Variants in RELN observed in about 807,000 individuals in gnomAD.
The protein encoded by RELN is reelin.
In RELN, 108 loss-of-function variants were observed where a neutral mutation model predicts 427.6. The observed-to-expected ratio is 0.25, with a 90% confidence interval of 0.22 to 0.30. The LOEUF is 0.30. RELN is among the 10% of genes least tolerant of loss of function. The pLI is 1.00. For synonymous variants in RELN, 1,524 were observed against 1,513.4 expected (o/e 1.01, Z -0.16); for missense variants, 3,715 against 4,302.8 (o/e 0.86, Z 3.82).
chr7:103,757,475 T>G (rs541599460), intron 4 of RELN, among the ~76,000 whole-genome samples: 2 of 152,196 alleles, frequency 1.3e-5, no homozygotes, highest in Non-Finnish European at 2.9e-5. Flanking sequence ...GTTTCTCAAC[T>G]CTTTTGAATT....
At chr7:103,800,562 C>T (rs1046893995) in intron 3 of RELN, among the ~76,000 whole-genome samples, 2 of 152,082 alleles carry the variant, frequency 1.3e-5, no homozygotes, top group African/African-American at 4.8e-5. Context: ...TTCCTTACAC[C>T]TTATACAAAA....
intron 47 of RELN, among the ~76,000 whole-genome samples, chr7:103,522,830 G>GACACACAGACACACAC (rs1180787427): frequency 1.3e-3 from 5 of 3,964 alleles, no homozygotes; most frequent in Non-Finnish European, 2.0e-3. Context: ...ATCTCACACA[G>GACACACAGACACACAC]ACACACAGAC....
chr7:103,845,220 A>C (rs568276167), intron 2 of RELN, among the ~76,000 whole-genome samples: 2 of 150,896 alleles, frequency 1.3e-5, no homozygotes, highest in Admixed American at 6.6e-5. Context: ...GTTGTTGTTG[A>C]GATTGAGTCA....
At chr7:103,909,352 A>G (rs753415111) in intron 2 of RELN, among the ~76,000 whole-genome samples, 29 of 151,980 alleles carry the variant, frequency 1.9e-4, no homozygotes, top group Non-Finnish European at 2.5e-4. Flanking sequence ...GTGAAAAATA[A>G]AACAAAATAG....
intron 2 of RELN, among the ~76,000 whole-genome samples, chr7:103,885,596 G>A (rs1794709583): frequency 6.6e-6 from 1 of 152,042 alleles, no homozygotes; most frequent in African/African-American, 2.4e-5. Flanking sequence ...TGTGGGTTGG[G>A]GGACTTAGGG....
At chr7:103,808,722 T>C (rs530312273) in intron 3 of RELN, among the ~76,000 whole-genome samples, 2 of 151,718 alleles carry the variant, frequency 1.3e-5, no homozygotes, top group Non-Finnish European at 2.9e-5. Context: ...ATTTGGAAAA[T>C]ATAGCTGAGG....
chr7:103,773,001 TGAGG>T (rs1791608014), intron 4 of RELN, among the ~76,000 whole-genome samples: 2 of 152,118 alleles, frequency 1.3e-5, no homozygotes, highest in African/African-American at 4.8e-5. Context: ...AGAAAAATCC[TGAGG>T]GAGGATATTC....
intron 10 of RELN, among the ~76,000 whole-genome samples, chr7:103,690,955 AAGG>A (rs1469931018): frequency 1.3e-5 from 2 of 152,152 alleles, no homozygotes; most frequent in African/African-American, 2.4e-5. Context: ...TGGAAAAAGA[AAGG>A]AGGAGAAACA....
Position 103,500,916 on chromosome 7 carries a change from T to C in RELN, c.8496A>G (p.Val2832=). The C allele has an allele frequency of 1.2e-6, 2 of 1,614,022 alleles. No homozygotes were observed. The highest frequency in any genetic ancestry group is 1.7e-5 in the Admixed American group (1 of 60,012). Residue 2832 remains valine, a synonymous_variant, in exon 53 of 65, where the codon GTA becomes GTG. Transcript: ENST00000428762. ...AGTACTTCTGATAGAACCTAAACCT[T>C]ACCGGACTATTGACAATGCAAAAGC... is the stretch of plus-strand genomic sequence containing the variant. ...PLPESLVGNP[V]RFRFYQKYSD... is the part of the protein sequence containing the mutation.
Position 103,510,889 on chromosome 7 carries a change from CATGGGT to C in RELN, c.8230_8235del (p.Thr2744_His2745del). 1 of 1,613,714 alleles carries C rather than the reference CATGGGT, an allele frequency of 6.2e-7. No individual in the cohort carries two copies. The highest frequency in any genetic ancestry group is 8.5e-7 in the Non-Finnish European group (1 of 1,179,696). On this transcript the variant is annotated inframe_deletion, in exon 51 of 65. Transcript: ENST00000428762. ...ATCCAGCCTTCAGTGGGAGTCAGGTCATGGGTCACTGCATACACCTCCCGTCCATCA... is the reference window on the plus strand; with the variant it reads ...ATCCAGCCTTCAGTGGGAGTCAGGTCCACTGCATACACCTCCCGTCCATCA...
intron 3 of RELN, among the ~76,000 whole-genome samples, chr7:103,826,922 T>C (rs1195467844): frequency 6.6e-6 from 1 of 151,910 alleles, no homozygotes; most frequent in East Asian, 1.9e-4. Context: ...TTCAGTCCAT[T>C]TACTTGAGTG....
rs1469921733 is a variant in RELN at position 103,603,542 on chromosome 7, A to G, written c.3147-52T>C. 1 of 1,354,930 alleles carries G rather than the reference A, an allele frequency of 7.4e-7. No individual in the cohort carries two copies. The allele number at this position is 1,354,930 out of a possible 1,614,324, so 83.9% of individuals were successfully genotyped here. On this transcript the variant is annotated intron_variant, in intron 23 of 64. Coordinates refer to ENST00000428762, the MANE Select transcript of RELN (RefSeq NM_005045.4). This position sits in a 1 kb window ranked among gnomAD's most constrained non-coding sequence, Gnocchi z 4.3. ...AGGTTACAGGCCCACCTGCCAATGC[A>G]ATGGCCCTCTGACCTCAACCATTTC...
At chr7:103,492,105 A>G (rs1562848864) in intron 57 of RELN, 79 bp from the exon 58 acceptor site, 1 of 1,112,052 alleles carries the variant, frequency 9.0e-7, no homozygotes, top group Middle Eastern at 2.0e-4. Context: ...CCATCCGTCC[A>G]TTTATTACTC....
At chr7:103,641,310 T>C (rs969182023) in intron 16 of RELN, among the ~76,000 whole-genome samples, 18 of 152,198 alleles carry the variant, frequency 1.2e-4, no homozygotes, top group African/African-American at 4.1e-4. Flanking sequence ...TTATAATCTG[T>C]TGTCATTTTC....
intron 3 of RELN, among the ~76,000 whole-genome samples, chr7:103,783,805 G>T (rs1282809389): frequency 6.6e-6 from 1 of 152,138 alleles, no homozygotes; most frequent in Non-Finnish European, 1.5e-5. Context: ...GGAGATGGAG[G>T]CTTTACGTTC....
chr7:103,597,215 G>A (rs1385052262), intron 24 of RELN, among the ~76,000 whole-genome samples: 1 of 152,196 alleles, frequency 6.6e-6, no homozygotes, highest in Admixed American at 6.5e-5. Context: ...ATGCCTTCCA[G>A]AGGGAACATC....
intron 2 of RELN, among the ~76,000 whole-genome samples, chr7:103,837,633 T>C (rs920275023): frequency 1.3e-4 from 20 of 152,174 alleles, no homozygotes; most frequent in African/African-American, 4.6e-4. Context: ...CAATCAGACA[T>C]GGCCCAGTCC....
intron 8 of RELN, among the ~76,000 whole-genome samples, chr7:103,712,513 T>C (rs941836800): frequency 2.0e-5 from 3 of 152,232 alleles, no homozygotes; most frequent in Non-Finnish European, 2.9e-5. Flanking sequence ...AATTAACTTA[T>C]AGATTTCCAA....
At chr7:103,780,169 C>T (rs890810593) in intron 3 of RELN, among the ~76,000 whole-genome samples, 1 of 152,206 alleles carries the variant, frequency 6.6e-6, no homozygotes, top group African/African-American at 2.4e-5. Context: ...CCAGCAACTC[C>T]TTGCACTTTG....
Sources: allele counts gnomAD v4.1 joint callset (sites outside exome capture counted in the v4.1 genomes callset), GRCh38; gene constraint gnomAD v4.1.1; non-coding constraint Gnocchi (gnomAD v3.1); transcripts MANE v1.5; gene names NCBI Gene and HGNC (gene_info 2026-07-23, HGNC 2026-07-21).